Variants in MACROD2 observed in about 807,000 individuals in gnomAD.
MACROD2 encodes the protein ADP-ribose glycohydrolase MACROD2.
MACROD2 carries 36 observed loss-of-function variants against 70.4 expected under a neutral mutation model. That is an observed-to-expected ratio of 0.51 (90% CI 0.39 to 0.68). MACROD2 has a LOEUF of 0.68. Ranked by LOEUF, MACROD2 falls within the 30% of genes least tolerant of loss-of-function variation. The probability of loss-of-function intolerance (pLI) is 0.00; values close to 1 mark genes in which losing one functional copy is unlikely to be tolerated. For missense variants in MACROD2, 496 were observed against 538.4 expected (o/e 0.92, Z 0.78); for synonymous variants, 172 against 178.8 (o/e 0.96, Z 0.30).
intron 2 of MACROD2, among the ~76,000 whole-genome samples, chr20:14,083,481 G>A (rs1188418076): frequency 6.6e-6 from 1 of 151,898 alleles, no homozygotes; most frequent in African/African-American, 2.4e-5. Flanking sequence ...AACATTCTAA[G>A]TGTAATGAAC....
chr20:14,707,864 T>C (rs6034015), intron 5 of MACROD2, among the ~76,000 whole-genome samples: 3,120 of 152,294 alleles, frequency 0.02, 120 homozygotes, highest in African/African-American at 0.071. Flanking sequence ...ATTAAAATAA[T>C]ACTCATAAGG....
chr20:14,915,508 G>A (rs971485369), intron 5 of MACROD2, among the ~76,000 whole-genome samples: 8 of 152,080 alleles, frequency 5.3e-5, no homozygotes, highest in Admixed American at 4.6e-4. Context: ...TTGTTATTTC[G>A]TGGTCCTGTT....
chr20:15,276,456 A>G (rs2077394125), intron 6 of MACROD2, among the ~76,000 whole-genome samples: 1 of 152,156 alleles, frequency 6.6e-6, no homozygotes, highest in Admixed American at 6.5e-5. Flanking sequence ...AACTAACTTA[A>G]CTAGTTATTT....
At chr20:14,112,173 C>T (rs555981835) in intron 3 of MACROD2, among the ~76,000 whole-genome samples, 5 of 151,894 alleles carry the variant, frequency 3.3e-5, no homozygotes, top group African/African-American at 1.2e-4. Flanking sequence ...CAATTGAATT[C>T]ATGGAGATAG....
chr20:15,165,986 G>T (rs918409284), intron 5 of MACROD2, among the ~76,000 whole-genome samples: 8 of 152,232 alleles, frequency 5.3e-5, no homozygotes, highest in Admixed American at 5.2e-4. Context: ...AGTGAAAGAA[G>T]CCAGATGCAA....
intron 2 of MACROD2, among the ~76,000 whole-genome samples, chr20:14,044,839 C>T (rs571616211): frequency 2.6e-5 from 4 of 152,338 alleles, no homozygotes. Flanking sequence ...CACTCCTCAG[C>T]CCTTGGGCGG....
chr20:15,938,071 A>C (rs1261992867), intron 12 of MACROD2, among the ~76,000 whole-genome samples: 13 of 149,358 alleles, frequency 8.7e-5, no homozygotes, highest in Non-Finnish European at 4.4e-5. Context: ...TTCCAGAAAA[A>C]GTAAAAAAAA....
intron 5 of MACROD2, among the ~76,000 whole-genome samples, chr20:14,998,785 A>G (rs1600928235): frequency 6.6e-6 from 1 of 152,222 alleles, no homozygotes; most frequent in East Asian, 1.9e-4. Context: ...AGAAGGTTAT[A>G]GAACGCCAAG....
rs6034143 is a variant in MACROD2, at chr20:15,279,692, T to A, written c.540+49631T>A. Among the ~76,000 whole-genome samples, 975 of 152,306 alleles carry A rather than the reference T, an allele frequency of 6.4e-3. 15 individuals carry two copies. The highest frequency in any genetic ancestry group is 0.022 in the African/African-American group (912 of 41,564). On this transcript the variant is annotated intron_variant, in intron 6 of 17. Coordinates refer to ENST00000684519, the MANE Select transcript of MACROD2 (RefSeq NM_001351661.2). ...TTATATTGGGGTAGTTTAGAATTAG[T>A]TCTATCTACAAATAGTAATTCATAA...
intron 5 of MACROD2, among the ~76,000 whole-genome samples, chr20:14,920,976 A>T (rs1340182966): frequency 6.6e-6 from 1 of 152,162 alleles, no homozygotes. Context: ...GGGCAAAAAA[A>T]CCTAGATATG....
intron 12 of MACROD2, among the ~76,000 whole-genome samples, chr20:15,954,869 C>A (rs936077546): frequency 7.2e-5 from 11 of 152,160 alleles, no homozygotes; most frequent in African/African-American, 2.7e-4. Context: ...ATGCCTACTG[C>A]TCTCATCTAT....
At chr20:15,855,499 G>T (rs917471757) in intron 8 of MACROD2, among the ~76,000 whole-genome samples, 6 of 152,126 alleles carry the variant, frequency 3.9e-5, no homozygotes, top group African/African-American at 1.4e-4. Context: ...GACCAAGAGA[G>T]CTGTAACATA....
intron 8 of MACROD2, among the ~76,000 whole-genome samples, chr20:15,627,933 G>A (rs1023700274): frequency 3.3e-5 from 5 of 152,186 alleles, no homozygotes; most frequent in Admixed American, 3.3e-4. Flanking sequence ...GACTTGCACT[G>A]CCGTAATTTT....
chr20:14,873,255 A>G (rs1047469134), intron 5 of MACROD2, among the ~76,000 whole-genome samples: 1 of 152,118 alleles, frequency 6.6e-6, no homozygotes, highest in Non-Finnish European at 1.5e-5. Flanking sequence ...TTATACTTAC[A>G]TTTATTATTA....
chr20:14,226,143 A>T (rs2081731177), intron 3 of MACROD2, among the ~76,000 whole-genome samples: 2 of 152,146 alleles, frequency 1.3e-5, no homozygotes, highest in Admixed American at 1.3e-4. Flanking sequence ...TGTAAAGGGC[A>T]AAGTTTTGGC....
chr20:16,041,361 C>G (rs950034842), intron 16 of MACROD2, 83 bp downstream of exon 16: 2 of 1,127,712 alleles, frequency 1.8e-6, no homozygotes, highest in African/African-American at 3.2e-5. Flanking sequence ...AGGGAACTAT[C>G]TGTTCTATAA....
At chr20:15,529,253 T>A (rs1345135538) in intron 8 of MACROD2, among the ~76,000 whole-genome samples, 1 of 152,070 alleles carries the variant, frequency 6.6e-6, no homozygotes, top group Non-Finnish European at 1.5e-5. Flanking sequence ...TTCTTCTAAA[T>A]ATGTGCTCTG....
At chr20:15,024,851 G>A (rs924669159) in intron 5 of MACROD2, among the ~76,000 whole-genome samples, 3 of 152,114 alleles carry the variant, frequency 2.0e-5, no homozygotes, top group Non-Finnish European at 4.4e-5. Flanking sequence ...CATCGATCAA[G>A]AGATTGCTTT....
intron 8 of MACROD2, among the ~76,000 whole-genome samples, chr20:15,809,211 G>C (rs1726592201): frequency 6.6e-6 from 1 of 152,060 alleles, no homozygotes; most frequent in Non-Finnish European, 1.5e-5. Flanking sequence ...ACCATAACCT[G>C]CAAGACACTG....
Sources: allele counts gnomAD v4.1 joint callset (sites outside exome capture counted in the v4.1 genomes callset), GRCh38; gene constraint gnomAD v4.1.1; transcripts MANE v1.5; gene names NCBI Gene and HGNC (gene_info 2026-07-23, HGNC 2026-07-21).